LRRTM4: variants seen among roughly 807,000 people sequenced by gnomAD.
The protein encoded by LRRTM4 is leucine-rich repeat transmembrane neuronal protein 4.
Under a neutral mutation model 47.6 loss-of-function variants are expected in LRRTM4, and 25 were observed. That is an observed-to-expected ratio of 0.53 (90% confidence interval 0.38 to 0.73). The LOEUF is 0.73. Ranked by LOEUF, LRRTM4 falls within the 30% of genes least tolerant of loss-of-function variation. LRRTM4 has a pLI of 0.00. For synonymous variants in LRRTM4, 311 were observed against 269.5 expected (o/e 1.15, Z -1.51); for missense variants, 638 against 713.4 (o/e 0.89, Z 1.20).
At chr2:77,381,696 C>A (rs576611866) in intron 3 of LRRTM4, among the ~76,000 whole-genome samples, 1 of 152,018 alleles carries the variant, frequency 6.6e-6, no homozygotes, top group Non-Finnish European at 1.5e-5. Context: ...GATGAAAGTT[C>A]AAGTTGTCAT....
At chr2:77,457,004 GTATATATATATATATATATATA>G (rs1171771344) in intron 3 of LRRTM4, among the ~76,000 whole-genome samples, 13 of 23,170 alleles carry the variant, frequency 5.6e-4, no homozygotes, top group East Asian at 1.1e-3. Context: ...GTGTGTGTGT[GTATATATATATATATATATATA>G]TATATATATA....
chr2:76,846,104 T>C lies in LRRTM4; in HGVS notation c.1552-97188A>G, dbSNP rs531545828. Among the ~76,000 whole-genome samples, 522 of 152,166 alleles carry C rather than the reference T, an allele frequency of 3.4e-3. 2 individuals carry two copies. The highest frequency in any genetic ancestry group is 0.01 in the Middle Eastern group (3 of 294). Reference sequence around the variant, plus strand: ...AGTTTGGGACTTGAGCATGTGCAGATTGGAGTGTATGTGGGGGATACTGGA... The same window carrying C: ...AGTTTGGGACTTGAGCATGTGCAGACTGGAGTGTATGTGGGGGATACTGGA... On this transcript the variant is annotated intron_variant, in intron 3 of 3. Transcript: ENST00000409884.
In LRRTM4 at chr2:76,860,288, G is replaced by A. The variant is rs199684137; in HGVS notation, c.1552-111372C>T. Among the ~76,000 whole-genome samples, 6 of 152,256 alleles carry A rather than the reference G, an allele frequency of 3.9e-5. No homozygotes were observed. The East Asian group carries it at 1.2e-3, about 29-fold the overall frequency. The stretch of plus-strand genomic sequence containing the variant: ...GCTCTTGGAAGATATTTAGAGTTTA[G>A]TTGGGCAACAAAAAGCAGTCAGAAC... On this transcript the variant is annotated intron_variant, in intron 3 of 3. Coordinates refer to ENST00000409884, the MANE Select transcript of LRRTM4 (RefSeq NM_001134745.3).
chr2:77,416,617 A>T (rs1259163898), intron 3 of LRRTM4, among the ~76,000 whole-genome samples: 1 of 152,106 alleles, frequency 6.6e-6, no homozygotes, highest in Non-Finnish European at 1.5e-5. Context: ...TATTGTCAAA[A>T]GTTATCTCTA....
chr2:77,443,235 G>C (rs1056837094), intron 3 of LRRTM4, among the ~76,000 whole-genome samples: 8 of 152,248 alleles, frequency 5.3e-5, no homozygotes, highest in African/African-American at 1.7e-4. Flanking sequence ...GTTTCAAAAG[G>C]AGAGAGTGAA....
chr2:76,816,136 C>G (rs1308284621), intron 3 of LRRTM4, among the ~76,000 whole-genome samples: 1 of 151,930 alleles, frequency 6.6e-6, no homozygotes, highest in Non-Finnish European at 1.5e-5. Flanking sequence ...GAGAAGGTGA[C>G]CTTGCTGGTA....
intron 3 of LRRTM4, among the ~76,000 whole-genome samples, chr2:77,422,002 T>C (rs1674915847): frequency 6.6e-6 from 1 of 152,202 alleles, no homozygotes; most frequent in Non-Finnish European, 1.5e-5. Context: ...TCTAGTTCAG[T>C]TCAGTAACAT....
intron 3 of LRRTM4, among the ~76,000 whole-genome samples, chr2:77,223,594 G>A (rs1165526071): frequency 6.6e-6 from 1 of 152,086 alleles, no homozygotes; most frequent in East Asian, 1.9e-4. Flanking sequence ...AATCATGAGT[G>A]AACTCCCATT....
At chr2:77,518,205 A>G (rs1349233006) in intron 3 of LRRTM4, 113 bp downstream of exon 3, 3 of 1,376,274 alleles carry the variant, frequency 2.2e-6, no homozygotes, top group African/African-American at 2.9e-5. Flanking sequence ...AGCAAAACCC[A>G]AAAGCAAAAG....
chr2:76,931,521 T>A (rs1674768732), intron 3 of LRRTM4, among the ~76,000 whole-genome samples: 1 of 152,126 alleles, frequency 6.6e-6, no homozygotes, highest in African/African-American at 2.4e-5. Flanking sequence ...TGTGCCTGGA[T>A]ACACTCTCTC....
At chr2:77,317,735 G>T (rs1033823859) in intron 3 of LRRTM4, among the ~76,000 whole-genome samples, 1 of 152,098 alleles carries the variant, frequency 6.6e-6, no homozygotes, top group Non-Finnish European at 1.5e-5. Context: ...TAGTCTGCTT[G>T]AATCTTGTAA....
chr2:76,962,514 T>A (rs1410159290), intron 3 of LRRTM4, among the ~76,000 whole-genome samples: 1 of 150,936 alleles, frequency 6.6e-6, no homozygotes, highest in Non-Finnish European at 1.5e-5. Context: ...AAAGTGTATT[T>A]TTTTTTGTCT....
intron 3 of LRRTM4, chr2:76,987,358 T>C (rs1277356739): frequency 2.0e-5 from 3 of 151,900 alleles, no homozygotes; most frequent in Non-Finnish European, 2.9e-5. Context: ...CTCTAAAGAA[T>C]TATCATAATT....
At chr2:76,869,323 TGTAAG>T (rs1190397170) in intron 3 of LRRTM4, among the ~76,000 whole-genome samples, 1 of 149,514 alleles carries the variant, frequency 6.7e-6, no homozygotes, top group Non-Finnish European at 1.5e-5. Flanking sequence ...AAAAAAAAAA[TGTAAG>T]GTAAGGCAGA....
intron 3 of LRRTM4, among the ~76,000 whole-genome samples, chr2:77,191,323 T>G (rs1404243090): frequency 6.6e-6 from 1 of 151,778 alleles, no homozygotes; most frequent in East Asian, 1.9e-4. Context: ...AAATCAAAAA[T>G]AACAAGAACA....
intron 3 of LRRTM4, among the ~76,000 whole-genome samples, chr2:77,326,254 C>T (rs1670769847): frequency 6.6e-6 from 1 of 152,192 alleles, no homozygotes; most frequent in South Asian, 2.1e-4. Context: ...CGAAGTTTCT[C>T]ACATCATGTA....
chr2:77,002,781 T>C (rs755817827), intron 3 of LRRTM4, among the ~76,000 whole-genome samples: 4 of 152,182 alleles, frequency 2.6e-5, no homozygotes, highest in African/African-American at 4.8e-5. Context: ...TTAAAAAGTC[T>C]CTTTTTAAGA....
chr2:76,897,653 A>C (rs1673468522), intron 3 of LRRTM4, among the ~76,000 whole-genome samples: 1 of 152,166 alleles, frequency 6.6e-6, no homozygotes, highest in Non-Finnish European at 1.5e-5. Flanking sequence ...TGCAATTCCA[A>C]TTAATACAAC....
intron 3 of LRRTM4, among the ~76,000 whole-genome samples, chr2:77,302,416 G>A (rs532148662): frequency 2.9e-4 from 44 of 152,236 alleles, no homozygotes; most frequent in Middle Eastern, 3.4e-3. Context: ...TTCAGATGCT[G>A]TTTTCCTTGC....
Sources: allele counts gnomAD v4.1 joint callset (sites outside exome capture counted in the v4.1 genomes callset), GRCh38; gene constraint gnomAD v4.1.1; transcripts MANE v1.5; gene names NCBI Gene and HGNC (gene_info 2026-07-23, HGNC 2026-07-21).